FNBP1L: variants seen among roughly 807,000 people sequenced by gnomAD.
FNBP1L encodes the protein formin-binding protein 1-like.
A neutral mutation model predicts 91.2 loss-of-function variants in FNBP1L; 36 were observed. The ratio of observed to expected loss-of-function variants is 0.39; its 90% CI spans 0.30 to 0.52. The LOEUF (loss-of-function observed/expected upper bound fraction) is 0.52, where lower values mean the gene tolerates loss of function less well. Ranked by LOEUF, FNBP1L falls within the 20% of genes least tolerant of loss-of-function variation. The pLI, the probability that FNBP1L is intolerant of heterozygous loss-of-function variation, is 0.66. For missense variants in FNBP1L, 571 were observed against 732.1 expected (o/e 0.78, Z 2.54); for synonymous variants, 242 against 237.0 (o/e 1.02, Z -0.19).
At chr1:93,453,318 A>T (rs927095898) in intron 1 of FNBP1L, among the ~76,000 whole-genome samples, 5 of 152,204 alleles carry the variant, frequency 3.3e-5, no homozygotes, top group African/African-American at 1.2e-4. Flanking sequence ...GACTATAATA[A>T]GTTGGAAGCT....
At chr1:93,536,839 A>G (rs1671867355) in intron 10 of FNBP1L, among the ~76,000 whole-genome samples, 1 of 152,026 alleles carries the variant, frequency 6.6e-6, no homozygotes, top group African/African-American at 2.4e-5. Flanking sequence ...TTTGTCACCA[A>G]TGCTGACTTC....
chr1:93,525,582 C>T (rs1671466855), intron 5 of FNBP1L, among the ~76,000 whole-genome samples: 1 of 152,124 alleles, frequency 6.6e-6, no homozygotes, highest in Admixed American at 6.5e-5. Flanking sequence ...AAATAACATA[C>T]TCCTACATTC....
At chr1:93,476,929 A>C (rs550844268) in intron 1 of FNBP1L, among the ~76,000 whole-genome samples, 2 of 152,204 alleles carry the variant, frequency 1.3e-5, no homozygotes, top group South Asian at 4.1e-4. Flanking sequence ...ACATAAATTG[A>C]CATCTCTCCA....
At chr1:93,500,986 T>A (rs1235418988) in intron 2 of FNBP1L, among the ~76,000 whole-genome samples, 1 of 152,148 alleles carries the variant, frequency 6.6e-6, no homozygotes, top group Non-Finnish European at 1.5e-5. Context: ...AAGTTAATGA[T>A]CTGGGAAACT....
At chr1:93,470,747 C>T (rs72961371) in intron 1 of FNBP1L, among the ~76,000 whole-genome samples, 4,173 of 152,072 alleles carry the variant, frequency 0.027, 195 homozygotes, top group African/African-American at 0.095. Context: ...ATGGTGCATG[C>T]CTGTAATCCC....
chr1:93,484,642 C>G (rs1046270486), intron 1 of FNBP1L, among the ~76,000 whole-genome samples: 13 of 152,176 alleles, frequency 8.5e-5, no homozygotes, highest in Admixed American at 5.2e-4. Flanking sequence ...AGGAAGTAGT[C>G]TAGGTTGGTA....
At chr1:93,455,175 G>A (rs763160006) in intron 1 of FNBP1L, among the ~76,000 whole-genome samples, 3 of 152,122 alleles carry the variant, frequency 2.0e-5, no homozygotes, top group African/African-American at 4.8e-5. Flanking sequence ...TGGTCCACCC[G>A]CCTCGGCCTC....
chr1:93,455,851 C>G (rs180931540), intron 1 of FNBP1L, among the ~76,000 whole-genome samples: 3 of 152,216 alleles, frequency 2.0e-5, no homozygotes, highest in Admixed American at 2.0e-4. Context: ...CTGTGCCTTT[C>G]GGCATTTTCC....
intron 1 of FNBP1L, among the ~76,000 whole-genome samples, chr1:93,464,095 G>A (rs1455877700): frequency 6.6e-6 from 1 of 152,166 alleles, no homozygotes; most frequent in African/African-American, 2.4e-5. Flanking sequence ...GTGTTGGCAA[G>A]GATGTGAAGA....
intron 2 of FNBP1L, among the ~76,000 whole-genome samples, chr1:93,500,300 C>G (rs959475297): frequency 6.6e-6 from 1 of 152,200 alleles, no homozygotes; most frequent in African/African-American, 2.4e-5. Flanking sequence ...AAATAATCTT[C>G]AGGCCCCATT....
chr1:93,546,799 T>G (rs777777681), intron 12 of FNBP1L, 43 bp from the exon 13 acceptor site: 4 of 1,602,834 alleles, frequency 2.5e-6, no homozygotes, highest in Admixed American at 1.7e-5. Context: ...TCTGGAAGCA[T>G]ATGAAGTTAA....
chr1:93,478,070 A>C (rs1038553950), intron 1 of FNBP1L, among the ~76,000 whole-genome samples: 2 of 152,242 alleles, frequency 1.3e-5, no homozygotes, highest in African/African-American at 4.8e-5. Flanking sequence ...TGTGTGAATT[A>C]AGAATCTTTC....
chr1:93,483,190 G>GAAA (rs76428254), intron 1 of FNBP1L, among the ~76,000 whole-genome samples: 99 of 80,290 alleles, frequency 1.2e-3, no homozygotes, highest in Non-Finnish European at 1.5e-3. Context: ...ACCCTGTCTC[G>GAAA]AAAAAAAAAA....
chr1:93,548,851 C>T (rs1672319396), intron 14 of FNBP1L, among the ~76,000 whole-genome samples: 1 of 152,120 alleles, frequency 6.6e-6, no homozygotes, highest in Non-Finnish European at 1.5e-5. Flanking sequence ...GATGATTGCT[C>T]TGATGGGCCA....
At chr1:93,543,487 G>A (rs182594083) in intron 11 of FNBP1L, among the ~76,000 whole-genome samples, 59 of 152,238 alleles carry the variant, frequency 3.9e-4, no homozygotes, top group African/African-American at 1.4e-3. Context: ...TATAATTTCT[G>A]CTCAGTGGAT....
intron 8 of FNBP1L, among the ~76,000 whole-genome samples, chr1:93,533,343 T>C (rs545542699): frequency 1.3e-5 from 2 of 152,294 alleles, no homozygotes; most frequent in African/African-American, 4.8e-5. Context: ...AGGAACTGTG[T>C]GTTACAAATT....
At chr1:93,550,273 C>T (rs1672363278) in intron 15 of FNBP1L, among the ~76,000 whole-genome samples, 1 of 152,100 alleles carries the variant, frequency 6.6e-6, no homozygotes, top group African/African-American at 2.4e-5. Context: ...TGCTTGAGCC[C>T]AGGAGTTCGA....
intron 2 of FNBP1L, among the ~76,000 whole-genome samples, chr1:93,513,466 G>A (rs1175827757): frequency 6.6e-5 from 10 of 151,998 alleles, no homozygotes; most frequent in East Asian, 5.8e-4. Flanking sequence ...GACACAACCA[G>A]AAAAGAGAAT....
intron 15 of FNBP1L, among the ~76,000 whole-genome samples, chr1:93,550,252 G>T (rs369457800): frequency 1.3e-5 from 2 of 152,248 alleles, no homozygotes; most frequent in South Asian, 4.2e-4. Flanking sequence ...GGGAGGCTGC[G>T]GTGAGAGGAT....
Sources: allele counts gnomAD v4.1 joint callset (sites outside exome capture counted in the v4.1 genomes callset), GRCh38; gene constraint gnomAD v4.1.1; transcripts MANE v1.5; gene names NCBI Gene and HGNC (gene_info 2026-07-23, HGNC 2026-07-21).